Variants in LRRC37A2 observed in about 807,000 individuals in gnomAD.
LRRC37A2 encodes leucine-rich repeat-containing protein 37A2.
LRRC37A2 carries 9 observed loss-of-function variants against 68.8 expected under a neutral mutation model. The ratio of observed to expected loss-of-function variants is 0.13; its 90% confidence interval spans 0.08 to 0.23. The LOEUF (loss-of-function observed/expected upper bound fraction) is 0.23. Among genes scored for constraint, LRRC37A2 ranks in the 10% least tolerant of loss-of-function variants. LRRC37A2 has a pLI of 1.00. For synonymous variants in LRRC37A2, 63 were observed against 367.6 expected, an observed-to-expected ratio of 0.17 and a Z score of 9.48; for missense variants, 168 against 950.4, an observed-to-expected ratio of 0.18 and a Z score of 10.82.
chr17:46,814,754 A>G, the LRRC37A2 span, among the ~76,000 whole-genome samples: 4 of 152,162 alleles, frequency 2.6e-5, no homozygotes, highest in Non-Finnish European at 5.9e-5. Context: ...GGCCCAGCCC[A>G]CTGACCCCCA....
the LRRC37A2 span, among the ~76,000 whole-genome samples, chr17:46,863,197 G>A: frequency 6.6e-6 from 1 of 152,212 alleles, no homozygotes; most frequent in South Asian, 2.1e-4. Flanking sequence ...TTGGCGGTGG[G>A]GCGTTAGGTG....
chr17:46,955,630 C>A, the LRRC37A2 span: 4 of 152,216 alleles, frequency 2.6e-5, no homozygotes, highest in Admixed American at 2.6e-4. Flanking sequence ...ACCTCTGAAG[C>A]AGTGCATGGC....
At chr17:46,980,254 G>T in the LRRC37A2 span, among the ~76,000 whole-genome samples, 2 of 152,126 alleles carry the variant, frequency 1.3e-5, no homozygotes, top group Admixed American at 6.5e-5. Flanking sequence ...GCATTTTAAG[G>T]TATGGACTAC....
downstream of LRRC37A2, among the ~76,000 whole-genome samples, chr17:46,558,232 G>A (rs1381050399): frequency 1.2e-5 from 1 of 85,098 alleles, no homozygotes; most frequent in Non-Finnish European, 2.2e-5. Flanking sequence ...GCTAATTTTT[G>A]TATTTTTAGT....
At chr17:46,542,747 G>A (rs1401017100) in intron 8 of LRRC37A2, among the ~76,000 whole-genome samples, 1 of 150,256 alleles carries the variant, frequency 6.7e-6, no homozygotes, top group African/African-American at 2.5e-5. Context: ...ATGTATGCCT[G>A]CGGGGCCCTA....
At chr17:46,891,922 T>TC in the LRRC37A2 span, among the ~76,000 whole-genome samples, 5 of 141,870 alleles carry the variant, frequency 3.5e-5, no homozygotes, top group African/African-American at 8.0e-5. Flanking sequence ...TCTTTTCTTT[T>TC]TTTTTTTTTT....
At chr17:46,456,210 ATGTGTGTG>A in the LRRC37A2 span, among the ~76,000 whole-genome samples, 301 of 90,718 alleles carry the variant, frequency 3.3e-3, 2 homozygotes, top group Admixed American at 5.6e-3. Flanking sequence ...TCCATGGGAT[ATGTGTGTG>A]TGTGTGTGTG....
At chr17:46,792,265 C>T in the LRRC37A2 span, among the ~76,000 whole-genome samples, 1 of 152,026 alleles carries the variant, frequency 6.6e-6, no homozygotes, top group Non-Finnish European at 1.5e-5. Context: ...GGGGGGATGA[C>T]GTCATGGAGC....
the LRRC37A2 span, among the ~76,000 whole-genome samples, chr17:46,631,082 A>ACACACT: frequency 7.0e-6 from 1 of 142,080 alleles, no homozygotes; most frequent in Admixed American, 7.0e-5. Context: ...ACACACACAC[A>ACACACT]CACACACACA....
intron 12 of LRRC37A2, chr17:46,554,391 C>T (rs994953115): frequency 5.9e-5 from 3 of 51,010 alleles, no homozygotes; most frequent in African/African-American, 5.1e-4. Flanking sequence ...AGCACCATTG[C>T]ACTCCAGCCT....
the LRRC37A2 span, among the ~76,000 whole-genome samples, chr17:46,965,531 A>G: frequency 5.3e-5 from 8 of 152,110 alleles, no homozygotes; most frequent in Non-Finnish European, 1.0e-4. Flanking sequence ...TTCCCCCTCA[A>G]CGTGACCTAA....
At chr17:46,873,250 C>T in the LRRC37A2 span, among the ~76,000 whole-genome samples, 6 of 152,104 alleles carry the variant, frequency 3.9e-5, no homozygotes, top group South Asian at 2.1e-4. Context: ...TCACATCCAT[C>T]GATCCATCAG....
the LRRC37A2 span, among the ~76,000 whole-genome samples, chr17:46,718,973 A>G: frequency 9.7e-4 from 147 of 152,296 alleles, 1 homozygote; most frequent in South Asian, 3.5e-3. Context: ...ACTCTTAGGT[A>G]AAAAATGCTC....
chr17:47,004,742 C>G, the LRRC37A2 span, among the ~76,000 whole-genome samples: 65 of 152,324 alleles, frequency 4.3e-4, no homozygotes, highest in African/African-American at 1.5e-3. Flanking sequence ...GTTGCCCAGG[C>G]TGGTCTTGAA....
the LRRC37A2 span, among the ~76,000 whole-genome samples, chr17:47,029,375 A>T: frequency 6.6e-6 from 1 of 152,190 alleles, no homozygotes; most frequent in Non-Finnish European, 1.5e-5. Context: ...AAATTCTATG[A>T]TTTCTTTGTA....
chr17:46,892,032 G>T, the LRRC37A2 span, among the ~76,000 whole-genome samples: 3 of 148,340 alleles, frequency 2.0e-5, no homozygotes, highest in African/African-American at 5.0e-5. Context: ...TGATTCTCCT[G>T]CCTCAGCTCT....
At chr17:46,937,269 T>A in the LRRC37A2 span, 3 of 152,182 alleles carry the variant, frequency 2.0e-5, no homozygotes, top group Non-Finnish European at 4.4e-5. Context: ...GAGACCCTCT[T>A]GTAAATATGG....
the LRRC37A2 span, among the ~76,000 whole-genome samples, chr17:46,918,441 C>T: frequency 1.3e-5 from 2 of 152,220 alleles, no homozygotes; most frequent in South Asian, 4.1e-4. Flanking sequence ...TTGCTTGGGG[C>T]TCCACAAAAC....
the LRRC37A2 span, among the ~76,000 whole-genome samples, chr17:46,825,631 T>C: frequency 1.3e-5 from 2 of 152,244 alleles, no homozygotes; most frequent in African/African-American, 4.8e-5. Context: ...AGCTGAGCAC[T>C]GATGAGCAAA....
Sources: gnomAD v4.1 joint callset for allele counts (sites outside exome capture counted in the v4.1 genomes callset) on GRCh38, gnomAD v4.1.1 for gene constraint, MANE v1.5 for transcripts, NCBI Gene and HGNC (gene_info 2026-07-23, HGNC 2026-07-21) for gene names.